Variants in RUVBL1 observed in about 807,000 individuals in gnomAD.
RUVBL1 encodes ruvB-like 1.
In RUVBL1, 4 loss-of-function variants were observed where a neutral mutation model predicts 52.4. The ratio of observed to expected loss-of-function variants is 0.08; its 90% CI spans 0.04 to 0.17. The LOEUF (loss-of-function observed/expected upper bound fraction) is 0.17, where lower values mean the gene tolerates loss of function less well. Ranked by LOEUF, RUVBL1 falls within the 10% of genes least tolerant of loss-of-function variation. The pLI is 1.00. For synonymous variants in RUVBL1, 217 were observed against 214.4 expected, an observed-to-expected ratio of 1.01 and a Z score of -0.10; for missense variants, 298 against 572.8, an observed-to-expected ratio of 0.52 and a Z score of 4.90.
At chr3:128,144,823 G>A (rs1421720227) in intron 1 of RUVBL1, among the ~76,000 whole-genome samples, 1 of 152,234 alleles carries the variant, frequency 6.6e-6, no homozygotes, top group Non-Finnish European at 1.5e-5. Flanking sequence ...TTTCCTGTAG[G>A]GGATCCCCTG....
At chr3:128,109,222 T>C (rs1456046125) in intron 3 of RUVBL1, among the ~76,000 whole-genome samples, 2 of 152,172 alleles carry the variant, frequency 1.3e-5, no homozygotes, top group African/African-American at 2.4e-5. Flanking sequence ...TTTTACATCC[T>C]TCTCTATAAG....
At chr3:128,099,012 C>A (rs1943055080) in intron 6 of RUVBL1, 67 bp from the exon 7 acceptor site, 6 of 1,299,330 alleles carry the variant, frequency 4.6e-6, no homozygotes, top group Non-Finnish European at 6.7e-6. Context: ...CATCCCCCTG[C>A]ATCCCACTCA....
At chr3:128,143,969 T>C (rs773325608) in intron 1 of RUVBL1, among the ~76,000 whole-genome samples, 11 of 152,180 alleles carry the variant, frequency 7.2e-5, no homozygotes, top group Non-Finnish European at 1.5e-4. Context: ...GTGGAAGAGA[T>C]GGTGAAGTCA....
At chr3:128,122,562 G>A (rs1391313141) in intron 1 of RUVBL1, among the ~76,000 whole-genome samples, 1 of 152,230 alleles carries the variant, frequency 6.6e-6, no homozygotes, top group African/African-American at 2.4e-5. Context: ...GTAAGCCAGG[G>A]TCAAACACTT....
Position 128,074,995 on chromosome 3 carries a change from CAG to C in RUVBL1, c.940-9777_940-9776del, listed in dbSNP as rs762266708. 4.4e-3 allele frequency: 673 copies of C among 151,558 alleles called. 4 individuals are homozygous for C. Among genetic ancestry groups the C allele is most frequent in the Middle Eastern group, 0.01 (3 of 294 alleles). The allele number at this position is 151,558 out of a possible 1,614,324, so 9.4% of individuals were successfully genotyped here. On this transcript the variant is annotated intron_variant, in intron 9 of 9. Transcript: ENST00000464873. ...CTGACAAGACTGACTGGCAGGCAGA[CAG>C]GGGGATGGGCAGTGCAGTGCCTAGA...
intron 9 of RUVBL1, chr3:128,066,779 G>C: frequency 1.6e-6 from 1 of 618,004 alleles, no homozygotes; most frequent in African/African-American, 1.8e-5. Flanking sequence ...GCCAAGTGCA[G>C]GAGTGCAGTG....
chr3:128,077,584 C>G (rs1476602403), downstream of RUVBL1, among the ~76,000 whole-genome samples: 2 of 152,242 alleles, frequency 1.3e-5, no homozygotes, highest in Non-Finnish European at 2.9e-5. Flanking sequence ...CTCTGGCTGC[C>G]TCAGCCCTAG....
intron 3 of RUVBL1, among the ~76,000 whole-genome samples, chr3:128,112,395 A>G (rs1171646008): frequency 1.3e-5 from 2 of 152,222 alleles, no homozygotes; most frequent in Non-Finnish European, 2.9e-5. Context: ...TCACTATGAT[A>G]GCCTGAGGCC....
chr3:128,121,540 T>C (rs1231768079), intron 1 of RUVBL1, among the ~76,000 whole-genome samples: 1 of 151,216 alleles, frequency 6.6e-6, no homozygotes, highest in Non-Finnish European at 1.5e-5. Flanking sequence ...TGAAACCCTG[T>C]CTCTACTAAA....
At chr3:128,066,929 G>C in intron 9 of RUVBL1, 1 of 1,613,340 alleles carries the variant, frequency 6.2e-7, no homozygotes, top group Non-Finnish European at 8.5e-7. Flanking sequence ...CAGTGAAGGG[G>C]ATTTGGTTCT....
Position 128,093,014 on chromosome 3 carries a change from AAAAAAG to A in RUVBL1, c.1016+4280_1016+4285del, listed in dbSNP as rs879497389. On this transcript the variant is annotated intron_variant, in intron 8 of 10. Coordinates refer to ENST00000322623, the MANE Select transcript of RUVBL1 (RefSeq NM_003707.3). ...CAAAGTGAGACCCCATCTCTACTTT[AAAAAAG>A]AAAAAGAAAAAGAAAGAAAGAAAAA... 2.6e-4 allele frequency among the ~76,000 whole-genome samples: 39 copies of A among 152,324 alleles called. No individual in the cohort carries two copies. In the East Asian group the frequency reaches 2.9e-3, roughly 11 times the overall value.
rs1161878724 is a variant in RUVBL1, at chr3:128,066,982, C to T, written c.940-1762G>A. The T allele has an allele frequency of 3.1e-6, 5 of 1,614,168 alleles. No individual in the cohort carries two copies. Among genetic ancestry groups the T allele is most frequent in the East Asian group, 2.2e-5 (1 of 44,882 alleles). ...TTCCGAGTGGACCTGCCAATCAAGT[C>T]GGCCCGCTACCGTGGCCAGTACAAC... On this transcript the variant is annotated intron_variant, in intron 9 of 9. Coordinates refer to the RUVBL1 transcript ENST00000464873.
intron 9 of RUVBL1, chr3:128,085,187 G>C (rs781457299): frequency 2.0e-5 from 3 of 152,266 alleles, no homozygotes; most frequent in Non-Finnish European, 4.4e-5. Flanking sequence ...GGGAAGGATG[G>C]GAGGGCCCGT....
Position 128,082,386 on chromosome 3 carries a change from G to T in RUVBL1, c.1211+97C>A. ...GAAGAGCGGATGGATAGAGTCCCAT[G>T]CCCTAGGAAGGGACCTGCCTTTATT... On this transcript the variant is annotated intron_variant, in intron 10 of 10. Transcript: ENST00000322623. This position sits in a 1 kb window ranked among gnomAD's most constrained non-coding sequence, Gnocchi z 4.7. 2.3e-6 allele frequency: 2 copies of T among 887,562 alleles called. No homozygotes were observed. The highest frequency in any genetic ancestry group is 1.4e-5 in the South Asian group (1 of 73,090). The allele number at this position is 887,562 out of a possible 1,614,324, so 55.0% of individuals were successfully genotyped here.
intron 8 of RUVBL1, among the ~76,000 whole-genome samples, chr3:128,095,582 G>A (rs1463508469): frequency 6.6e-6 from 1 of 152,212 alleles, no homozygotes; most frequent in Non-Finnish European, 1.5e-5. Flanking sequence ...GTAGCTACAA[G>A]ATGCTGCCAC....
intron 9 of RUVBL1, among the ~76,000 whole-genome samples, chr3:128,065,414 G>A (rs1033151268): frequency 6.6e-5 from 10 of 152,062 alleles, no homozygotes; most frequent in Non-Finnish European, 1.2e-4. Flanking sequence ...TCTGCATCTC[G>A]GAAACGGCCT....
At chr3:128,093,439 C>A (rs980121061) in intron 8 of RUVBL1, among the ~76,000 whole-genome samples, 3 of 144,198 alleles carry the variant, frequency 2.1e-5, no homozygotes, top group Non-Finnish European at 2.9e-5. Context: ...TGTGAATACA[C>A]TAGAAATCAC....
chr3:128,099,533 T>C (rs562415294), intron 6 of RUVBL1, among the ~76,000 whole-genome samples: 1 of 152,350 alleles, frequency 6.6e-6, no homozygotes, highest in Non-Finnish European at 1.5e-5. Context: ...AGCCTAGTCC[T>C]TACTTAACTT....
At chr3:128,121,605 G>A (rs1212232516) in intron 1 of RUVBL1, among the ~76,000 whole-genome samples, 3 of 150,482 alleles carry the variant, frequency 2.0e-5, no homozygotes, top group Admixed American at 1.3e-4. Context: ...AGCTACTCAC[G>A]AGGCTGAGGC....
Sources: allele counts gnomAD v4.1 joint callset (sites outside exome capture counted in the v4.1 genomes callset), GRCh38; gene constraint gnomAD v4.1.1; non-coding constraint Gnocchi (gnomAD v3.1); transcripts MANE v1.5; gene names NCBI Gene and HGNC (gene_info 2026-07-23, HGNC 2026-07-21).